The following MAP3K6 variants were observed in gnomAD, a reference collection of about 807,000 sequenced individuals.
MAP3K6 encodes apoptosis signal-regulating kinase 2.
In MAP3K6, 105 loss-of-function variants were observed where a neutral mutation model predicts 147.1. The ratio of observed to expected loss-of-function variants is 0.71; its 90% CI spans 0.61 to 0.84. The LOEUF is 0.84. Among genes scored for constraint, MAP3K6 ranks in the 40% least tolerant of loss-of-function variants. The probability of loss-of-function intolerance (pLI) is 0.00; values close to 1 mark genes in which losing one functional copy is unlikely to be tolerated. For synonymous variants in MAP3K6, 695 were observed against 732.4 expected (o/e 0.95, Z 0.82); for missense variants, 1,569 against 1,715.0 (o/e 0.91, Z 1.50).
chr1:27,365,555 G>A (rs1319780269), intron 1 of MAP3K6, among the ~76,000 whole-genome samples: 1 of 152,136 alleles, frequency 6.6e-6, no homozygotes, highest in Non-Finnish European at 1.5e-5. Flanking sequence ...TGGGGGCCGA[G>A]CATCCGGGCT....
At chr1:27,361,672 C>G in intron 10 of MAP3K6, 33 bp downstream of exon 10, 1 of 1,614,088 alleles carries the variant, frequency 6.2e-7, no homozygotes, top group Non-Finnish European at 8.5e-7. Context: ...GGGCTTACCC[C>G]TTTCCCGGGT....
rs552404628 is a variant in MAP3K6, at chr1:27,356,286, G to A, written c.3637+102C>T. The A allele has an allele frequency of 4.7e-5, 57 of 1,205,542 alleles. No individual in the cohort carries two copies. In the East Asian group the frequency reaches 1.4e-3, roughly 29 times the overall value. The allele number at this position is 1,205,542 out of a possible 1,614,324, so 74.7% of individuals were successfully genotyped here. A position where few individuals can be genotyped will look rare whatever the true frequency, so the allele number is the denominator to read the frequency against. ...CAATAATGTTCTCCCGCCAAGGCCC[G>A]CTCAGGTGATGAGCCCAAGTCAGGT... On this transcript the variant is annotated intron_variant, in intron 26 of 28. Coordinates refer to ENST00000357582, the MANE Select transcript of MAP3K6 (RefSeq NM_004672.5).
chr1:27,366,106 G>T lies in MAP3K6; in HGVS notation c.340+152C>A, dbSNP rs1044608347. 2 of 860,280 alleles carry T rather than the reference G, an allele frequency of 2.3e-6. No individual in the cohort carries two copies. The highest frequency in any genetic ancestry group is 3.1e-6 in the Non-Finnish European group (2 of 651,800). The allele number at this position is 860,280 out of a possible 1,614,324, so 53.3% of individuals were successfully genotyped here. A position where few individuals can be genotyped will look rare whatever the true frequency, so the allele number is the denominator to read the frequency against. Reference sequence around the variant, plus strand: ...TCCCCTAAATCCCACTTTTTTCACGGCCCTGTCCCAAGCCCTTCAGCTTTA... The same window carrying T: ...TCCCCTAAATCCCACTTTTTTCACGTCCCTGTCCCAAGCCCTTCAGCTTTA... On this transcript the variant is annotated intron_variant, in intron 1 of 28. Coordinates refer to ENST00000357582, the MANE Select transcript of MAP3K6 (RefSeq NM_004672.5). The surrounding 1 kb of genome is among the most constrained non-coding windows in gnomAD (Gnocchi z 5.5).
At position 27,362,231 on chromosome 1, in the gene MAP3K6, C is replaced by T. The variant is rs2015803358; in HGVS notation, c.1275G>A (p.Leu425=). The T allele has an allele frequency of 6.2e-7, 1 of 1,611,822 alleles. No individual in the cohort carries two copies. The change falls in exon 9 of 29, where the codon CTG becomes CTA. Residue 425 remains leucine (L), a synonymous_variant. Transcript: ENST00000357582. The stretch of plus-strand genomic sequence containing the variant: ...TCTCCACGCAGCCTTTGCGGGCCAG[C>T]AGGCAGCCCAGCTTCATGCCTGGGG... ...LRLIGMKLGC[L]LARKGCVEKM...
chr1:27,359,544 AC>A lies in MAP3K6; in HGVS notation c.2320-23del, dbSNP rs1321063912. 1 of 1,613,918 alleles carries A rather than the reference AC, an allele frequency of 6.2e-7. No homozygotes were observed. Among genetic ancestry groups the A allele is most frequent in the South Asian group, 1.1e-5 (1 of 91,060 alleles). ...CCCCCTGATTGACAGCCATTAGTGG[AC>A]ACTGGTCTGGGCCCCTGCCAGCAGA... On this transcript the variant is annotated intron_variant, in intron 17 of 28. Coordinates refer to ENST00000357582, the MANE Select transcript of MAP3K6 (RefSeq NM_004672.5). This position sits in a 1 kb window ranked among gnomAD's most constrained non-coding sequence, Gnocchi z 4.4.
rs748479770 is a variant in MAP3K6, at chr1:27,355,429, G to C, written c.3829C>G (p.Gln1277Glu). The C allele has an allele frequency of 5.0e-6, 8 of 1,614,038 alleles. No homozygotes were observed. In the African/African-American group the frequency reaches 9.3e-5, roughly 19 times the overall value. The part of the protein sequence containing the change: ...VCRIWRAILA[Q>E]RAGSTPVTSG... ...GTGACTGGTGTGGATCCTGCTCGCTGTGCCAAGATGGCCCTCCAGATGCGG... is the reference window on the plus strand; with the variant it reads ...GTGACTGGTGTGGATCCTGCTCGCTCTGCCAAGATGGCCCTCCAGATGCGG... Residue 1277 changes from glutamine to glutamate, a missense_variant, in exon 29 of 29, where the codon CAG becomes GAG. Coordinates refer to ENST00000357582, the MANE Select transcript of MAP3K6 (RefSeq NM_004672.5).
rs370381908 is a variant in MAP3K6 at position 27,362,617 on chromosome 1, A to G, written c.1255+24T>C. ...CCTCGGAACCCCTGTGGGTGACGAG[A>G]CAAGAGCCAGGATCTGTGCTCACCT... On this transcript the variant is annotated intron_variant, in intron 8 of 28. Coordinates refer to ENST00000357582, the MANE Select transcript of MAP3K6 (RefSeq NM_004672.5). The G allele has an allele frequency of 4.6e-6, 7 of 1,530,536 alleles. No individual in the cohort carries two copies. In the South Asian group the frequency reaches 7.2e-5, roughly 16 times the overall value. The allele number at this position is 1,530,536 out of a possible 1,614,324, so 94.8% of individuals were successfully genotyped here. A position where few individuals can be genotyped will look rare whatever the true frequency, so the allele number is the denominator to read the frequency against.
Position 27,361,638 on chromosome 1 carries a change from T to A in MAP3K6, c.1579-11A>T. On this transcript the variant is annotated splice_polypyrimidine_tract_variant and intron_variant, in intron 10 of 28. Transcript: ENST00000357582. ...CTCCAGGACCAGCACCTGCAGGCAG[T>A]TGGGGAGTGGGGTCAGTCAGAAGGG... The A allele has an allele frequency of 6.2e-7, 1 of 1,614,116 alleles. No homozygotes were observed. Among genetic ancestry groups the A allele is most frequent in the African/African-American group, 1.3e-5 (1 of 75,036 alleles).
At position 27,360,702 on chromosome 1, in the gene MAP3K6, C is replaced by T. The variant is rs2015717045; in HGVS notation, c.2054+3G>A. ...GCCCCACCCGCGCTGCCACGCACCG[C>T]ACCTGCTGTCCCGCTCCGGGATCTC... On this transcript the variant is annotated splice_donor_region_variant and intron_variant, in intron 15 of 28. Coordinates refer to ENST00000357582, the MANE Select transcript of MAP3K6 (RefSeq NM_004672.5). The surrounding 1 kb of genome is among the most constrained non-coding windows in gnomAD (Gnocchi z 4.5). The T allele has an allele frequency of 6.2e-7, 1 of 1,610,458 alleles. No homozygotes were observed. Among genetic ancestry groups the T allele is most frequent in the Admixed American group, 1.7e-5 (1 of 59,878 alleles).
Position 27,358,125 on chromosome 1 carries a change from A to G in MAP3K6, c.2915+56T>C. ...TCCCCAGGGAGGGCTTTTGTAGGAGAGGAGAAAAAGGCAAAACCAGGCAAA... is the reference window on the plus strand; with the variant it reads ...TCCCCAGGGAGGGCTTTTGTAGGAGGGGAGAAAAAGGCAAAACCAGGCAAA... On this transcript the variant is annotated intron_variant, in intron 21 of 28. Transcript: ENST00000357582. The surrounding 1 kb of genome is among the most constrained non-coding windows in gnomAD (Gnocchi z 6.2). 6.5e-7 allele frequency: 1 copy of G among 1,529,930 alleles called. No homozygotes were observed. The highest frequency in any genetic ancestry group is 8.8e-7 in the Non-Finnish European group (1 of 1,142,376). 94.8% of individuals were successfully genotyped at this position (1,529,930 alleles called of 1,614,324 possible).
Position 27,366,505 on chromosome 1 carries a change from G to C in MAP3K6, c.93C>G (p.Leu31=). 2 of 1,114,352 alleles carry C rather than the reference G, an allele frequency of 1.8e-6. No homozygotes were observed. The highest frequency in any genetic ancestry group is 2.2e-6 in the Non-Finnish European group (2 of 914,182). 69.0% of individuals were successfully genotyped at this position (1,114,352 alleles called of 1,614,324 possible). Residue 31 remains leucine, a synonymous_variant, in exon 1 of 29, where the codon CTC becomes CTG. Coordinates refer to ENST00000357582, the MANE Select transcript of MAP3K6 (RefSeq NM_004672.5). This position sits in a 1 kb window ranked among gnomAD's most constrained non-coding sequence, Gnocchi z 5.5. ...CGCAGCCCCGGCCCGGGGGCGCCGCGAGCTGCCGGCCCCGGCTCAGCGCCA... is the reference window on the plus strand; with the variant it reads ...CGCAGCCCCGGCCCGGGGGCGCCGCCAGCTGCCGGCCCCGGCTCAGCGCCA... ...LAVALSRGRQ[L]AAPPGRGCAR... is the part of the protein sequence containing the mutation.
At chr1:27,365,022 G>C (rs1207178912) in intron 1 of MAP3K6, 110 bp from the exon 2 acceptor site, 2 of 1,235,536 alleles carry the variant, frequency 1.6e-6, no homozygotes, top group East Asian at 5.0e-5. Context: ...AGTAGGGTCT[G>C]GTTCTGCTTT....
Position 27,361,204 on chromosome 1 carries a change from C to T in MAP3K6, c.1785G>A (p.Pro595=), listed in dbSNP as rs143793155. The stretch of plus-strand genomic sequence containing the variant: ...GGAAGCACAGCTGGACGTCCTGAGC[C>T]GGGGGGAGTGCATAGAGGAAGCAGC... ...ERCCFLYALP[P]AQDVQLCFPS... Residue 595 remains proline (P), a synonymous_variant, in exon 13 of 29, where the codon CCG becomes CCA. Transcript: ENST00000357582. 886 of 1,613,004 alleles carry T rather than the reference C, an allele frequency of 5.5e-4. 2 individuals carry two copies. The highest frequency in any genetic ancestry group is 6.9e-4 in the Non-Finnish European group (815 of 1,179,794).
chr1:27,362,861 C>A lies in MAP3K6; in HGVS notation c.1132G>T (p.Ala378Ser). ...GFQDAGHREQ[A>S]YHWYRKAFDV... ...CACTGTGCTCTTTACCAGTGATAGG[C>A]CTGCTCCCGGTGCCCAGCATCCTGG... The change falls in exon 7 of 29, where the codon GCC (alanine) becomes TCC (serine). Residue 378 changes from alanine to serine, a missense_variant. By Grantham distance (99) the Ala-to-Ser change is moderately conservative. Transcript: ENST00000357582. 1 of 1,613,886 alleles carries A rather than the reference C, an allele frequency of 6.2e-7. No individual in the cohort carries two copies. Among genetic ancestry groups the A allele is most frequent in the Non-Finnish European group, 8.5e-7 (1 of 1,179,904 alleles).
rs773180139 is a variant in MAP3K6, at chr1:27,359,915, C to G, written c.2262G>C (p.Gln754His). 1 of 1,614,160 alleles carries G rather than the reference C, an allele frequency of 6.2e-7. No homozygotes were observed. Among genetic ancestry groups the G allele is most frequent in the Non-Finnish European group, 8.5e-7 (1 of 1,180,020 alleles). Reference sequence around the variant, plus strand: ...GCAAGTAGCCAAGTCCCTGCAGGATCTGGCGGGTGTAGAAACTGATGGTGC... The same window carrying G: ...GCAAGTAGCCAAGTCCCTGCAGGATGTGGCGGGTGTAGAAACTGATGGTGC... The part of the protein sequence containing the change: ...NESTISFYTR[Q>H]ILQGLGYLHD... Residue 754 changes from glutamine (Q) to histidine (H), a missense_variant, in exon 17 of 29, where the codon CAG (glutamine) becomes CAC (histidine). Transcript: ENST00000357582. This position sits in a 1 kb window ranked among gnomAD's most constrained non-coding sequence, Gnocchi z 4.4.
In MAP3K6 at chr1:27,366,154, C is replaced by A; in HGVS notation, c.340+104G>T. ...TTAGCTCACTTTAAGTCCCCTAGACCCGGTACCCCTCTCGGCCCCTCCCTT... is the reference window on the plus strand; with the variant it reads ...TTAGCTCACTTTAAGTCCCCTAGACACGGTACCCCTCTCGGCCCCTCCCTT... On this transcript the variant is annotated intron_variant, in intron 1 of 28. Coordinates refer to ENST00000357582, the MANE Select transcript of MAP3K6 (RefSeq NM_004672.5). The surrounding 1 kb of genome is among the most constrained non-coding windows in gnomAD (Gnocchi z 5.5). 1 of 1,162,962 alleles carries A rather than the reference C, an allele frequency of 8.6e-7. No homozygotes were observed. The highest frequency in any genetic ancestry group is 1.1e-6 in the Non-Finnish European group (1 of 921,952). 72.0% of individuals were successfully genotyped at this position (1,162,962 alleles called of 1,614,324 possible).
chr1:27,366,763 C>T lies in MAP3K6; in HGVS notation c.-166G>A. The T allele has an allele frequency of 2.5e-6, 1 of 405,598 alleles. No homozygotes were observed. The highest frequency in any genetic ancestry group is 3.4e-6 in the Non-Finnish European group (1 of 296,768). 25.1% of individuals were successfully genotyped at this position (405,598 alleles called of 1,614,324 possible). A position where few individuals can be genotyped will look rare whatever the true frequency, so the allele number is the denominator to read the frequency against. ...CGGCCTGACGTCCCGTTCCAGGAATCTAAAGTCCAGGGAGAAATCCTAGCT... is the reference window on the plus strand; with the variant it reads ...CGGCCTGACGTCCCGTTCCAGGAATTTAAAGTCCAGGGAGAAATCCTAGCT... On this transcript the variant is annotated 5_prime_UTR_variant, in exon 1 of 29. Transcript: ENST00000357582. The surrounding 1 kb of genome is among the most constrained non-coding windows in gnomAD (Gnocchi z 5.5).
chr1:27,358,690 A>C lies in MAP3K6; in HGVS notation c.2583+19T>G, dbSNP rs773863432. On this transcript the variant is annotated intron_variant, in intron 19 of 28. Coordinates refer to ENST00000357582, the MANE Select transcript of MAP3K6 (RefSeq NM_004672.5). This position sits in a 1 kb window ranked among gnomAD's most constrained non-coding sequence, Gnocchi z 6.2. The stretch of plus-strand genomic sequence containing the variant: ...TGGCCCTATGCCACTTCCATGGGCC[A>C]GGCCCAAAGAGGTCTCACCTGAAAC... 4.3e-6 allele frequency: 7 copies of C among 1,613,668 alleles called. No homozygotes were observed. Among genetic ancestry groups the C allele is most frequent in the Non-Finnish European group, 5.9e-6 (7 of 1,179,986 alleles).
chr1:27,355,641 G>T (rs756425142), intron 28 of MAP3K6, 28 bp downstream of exon 28: 3 of 1,612,168 alleles, frequency 1.9e-6, no homozygotes, highest in South Asian at 2.2e-5. Flanking sequence ...CATATGCATG[G>T]TTCACACTTG....
Sources: allele counts gnomAD v4.1 joint callset (sites outside exome capture counted in the v4.1 genomes callset), GRCh38; gene constraint gnomAD v4.1.1; non-coding constraint Gnocchi (gnomAD v3.1); transcripts MANE v1.5; gene names NCBI Gene and HGNC (gene_info 2026-07-23, HGNC 2026-07-21).